Variants in PDZRN4 observed in about 807,000 individuals in gnomAD.
The protein encoded by PDZRN4 is PDZ domain-containing RING finger protein 4.
Under a neutral mutation model 99.0 loss-of-function variants are expected in PDZRN4, and 70 were observed. The observed-to-expected ratio is 0.71, with a 90% confidence interval of 0.58 to 0.86. PDZRN4 has a LOEUF of 0.86. Among genes scored for constraint, PDZRN4 ranks in the 40% least tolerant of loss-of-function variants. PDZRN4 has a pLI of 0.00. For synonymous variants in PDZRN4, 551 were observed against 501.6 expected, an observed-to-expected ratio of 1.10 and a Z score of -1.32; for missense variants, 1,474 against 1,331.2, an observed-to-expected ratio of 1.11 and a Z score of -1.67.
At chr12:41,256,270 G>T (rs530161323) in intron 3 of PDZRN4, among the ~76,000 whole-genome samples, 1 of 152,132 alleles carries the variant, frequency 6.6e-6, no homozygotes, top group African/African-American at 2.4e-5. Flanking sequence ...AAAATTTCTT[G>T]AATACTTTCT....
At chr12:41,393,857 A>G (rs907213149) in intron 3 of PDZRN4, among the ~76,000 whole-genome samples, 4 of 152,168 alleles carry the variant, frequency 2.6e-5, no homozygotes, top group African/African-American at 9.7e-5. Context: ...AGCTGGGCTC[A>G]ACTGGAACTG....
At chr12:41,251,103 C>T (rs994681190) in intron 3 of PDZRN4, among the ~76,000 whole-genome samples, 2 of 152,082 alleles carry the variant, frequency 1.3e-5, no homozygotes, top group Non-Finnish European at 2.9e-5. Flanking sequence ...TTAAAATTTC[C>T]ATTAAAAGCT....
chr12:41,482,107 A>T (rs761437619), intron 3 of PDZRN4, among the ~76,000 whole-genome samples: 13 of 152,158 alleles, frequency 8.5e-5, no homozygotes, highest in Non-Finnish European at 1.5e-4. Flanking sequence ...TGAATCACTG[A>T]TGTCTGACCA....
chr12:41,244,472 T>G (rs1315948129), intron 3 of PDZRN4, among the ~76,000 whole-genome samples: 2 of 152,076 alleles, frequency 1.3e-5, no homozygotes, highest in Admixed American at 6.6e-5. Flanking sequence ...GTTCTTTCCT[T>G]GGCCATTGTT....
intron 5 of PDZRN4, among the ~76,000 whole-genome samples, chr12:41,550,751 T>C (rs1014955618): frequency 6.6e-6 from 1 of 152,186 alleles, no homozygotes; most frequent in Non-Finnish European, 1.5e-5. Context: ...AGGATTTAAA[T>C]TTAGTTTTAT....
intron 3 of PDZRN4, among the ~76,000 whole-genome samples, chr12:41,354,061 A>G (rs1055716391): frequency 2.0e-5 from 3 of 152,132 alleles, no homozygotes; most frequent in African/African-American, 7.2e-5. Flanking sequence ...GAAGTGGGCC[A>G]TATTAACAAG....
At chr12:41,393,717 GCTGA>G (rs576629675) in intron 3 of PDZRN4, among the ~76,000 whole-genome samples, 219 of 152,240 alleles carry the variant, frequency 1.4e-3, no homozygotes, top group African/African-American at 4.9e-3. Context: ...TCTATGTAGG[GCTGA>G]CTGAGATTAC....
At chr12:41,547,411 A>C (rs1938974249) in intron 5 of PDZRN4, among the ~76,000 whole-genome samples, 1 of 152,156 alleles carries the variant, frequency 6.6e-6, no homozygotes, top group Non-Finnish European at 1.5e-5. Context: ...AGATCACTTG[A>C]GGTCAGGAGT....
chr12:41,553,930 C>T (rs902749368), intron 6 of PDZRN4, among the ~76,000 whole-genome samples: 1 of 152,010 alleles, frequency 6.6e-6, no homozygotes, highest in African/African-American at 2.4e-5. Flanking sequence ...TACAACAGTG[C>T]TTATCTTATT....
chr12:41,441,502 G>A (rs1360171346), intron 3 of PDZRN4, among the ~76,000 whole-genome samples: 1 of 152,136 alleles, frequency 6.6e-6, no homozygotes, highest in African/African-American at 2.4e-5. Context: ...ACAATGAGAA[G>A]TTAGAATATT....
At chr12:41,434,161 G>A (rs145832062) in intron 3 of PDZRN4, among the ~76,000 whole-genome samples, 2 of 152,032 alleles carry the variant, frequency 1.3e-5, no homozygotes, top group East Asian at 1.9e-4. Flanking sequence ...CTTCCTCTTC[G>A]TCTTCTCTCT....
intron 3 of PDZRN4, among the ~76,000 whole-genome samples, chr12:41,303,249 G>A (rs1414092552): frequency 6.6e-6 from 1 of 152,114 alleles, no homozygotes; most frequent in African/African-American, 2.4e-5. Flanking sequence ...GTCAGACCAT[G>A]CCCTCGGCAA....
At chr12:41,303,545 A>G (rs879298904) in intron 3 of PDZRN4, among the ~76,000 whole-genome samples, 1 of 152,216 alleles carries the variant, frequency 6.6e-6, no homozygotes, top group Admixed American at 6.5e-5. Context: ...TCTCACATTC[A>G]GTTAGGTTTC....
At chr12:41,282,125 C>T (rs148988509) in intron 3 of PDZRN4, among the ~76,000 whole-genome samples, 2,199 of 152,198 alleles carry the variant, frequency 0.014, 22 homozygotes, top group Middle Eastern at 0.034. Flanking sequence ...ATTCAGGAGA[C>T]CCATCTCATG....
chr12:41,384,421 G>A (rs902763854), intron 3 of PDZRN4, among the ~76,000 whole-genome samples: 3 of 152,024 alleles, frequency 2.0e-5, no homozygotes, highest in East Asian at 3.9e-4. Context: ...TTTATTTTAC[G>A]GGTTTCCTGT....
chr12:41,352,940 A>G (rs1336307497), intron 3 of PDZRN4, among the ~76,000 whole-genome samples: 2 of 152,152 alleles, frequency 1.3e-5, no homozygotes, highest in East Asian at 3.9e-4. Context: ...GATTAAATGC[A>G]ATAGGAATTT....
chr12:41,365,612 A>C (rs918471103), intron 3 of PDZRN4, among the ~76,000 whole-genome samples: 1 of 152,126 alleles, frequency 6.6e-6, no homozygotes, highest in Non-Finnish European at 1.5e-5. Context: ...CTACAAAAGC[A>C]GAAGAAACCC....
chr12:41,228,361 C>A (rs1361223652), intron 3 of PDZRN4, among the ~76,000 whole-genome samples: 1 of 152,078 alleles, frequency 6.6e-6, no homozygotes, highest in South Asian at 2.1e-4. Flanking sequence ...GGGCAGAAGT[C>A]AGACTTACTG....
chr12:41,497,494 G>A (rs1938030525), intron 3 of PDZRN4, among the ~76,000 whole-genome samples: 1 of 152,074 alleles, frequency 6.6e-6, no homozygotes, highest in Non-Finnish European at 1.5e-5. Context: ...TTAGTATTAC[G>A]TTAGGAAGTA....
Sources: gnomAD v4.1 joint callset for allele counts (sites outside exome capture counted in the v4.1 genomes callset) on GRCh38, gnomAD v4.1.1 for gene constraint, MANE v1.5 for transcripts, NCBI Gene and HGNC (gene_info 2026-07-23, HGNC 2026-07-21) for gene names.